AXDND1: variants seen among roughly 807,000 people sequenced by gnomAD.
AXDND1 encodes axonemal dynein light chain domain-containing protein 1.
AXDND1 carries 110 observed loss-of-function variants against 137.5 expected under a neutral mutation model. That is an observed-to-expected ratio of 0.80 (90% CI 0.69 to 0.94). The LOEUF is 0.94. AXDND1 is among the 40% of genes least tolerant of loss of function. The probability of loss-of-function intolerance (pLI) is 0.00; values close to 1 mark genes in which losing one functional copy is unlikely to be tolerated. For missense variants in AXDND1, 1,191 were observed against 1,169.8 expected (o/e 1.02, Z -0.26); for synonymous variants, 414 against 399.7 (o/e 1.04, Z -0.43).
Position 179,525,669 on chromosome 1 carries a change from A to T in AXDND1, c.2610+222A>T, listed in dbSNP as rs540713489. Among the ~76,000 whole-genome samples, 111 of 152,046 alleles carry T rather than the reference A, an allele frequency of 7.3e-4. 1 individual carries two copies. The highest frequency in any genetic ancestry group is 3.4e-3 in the Middle Eastern group (1 of 294). On this transcript the variant is annotated intron_variant, in intron 22 of 25. Transcript: ENST00000367618. ...GCACCACCATGCCTAGCTAATTTTT[A>T]AAATTTTTTTTATAGAGATGGGATC...
Position 179,457,990 on chromosome 1 carries a change from C to CTTTTT in AXDND1, c.1799-10446_1799-10442dup, listed in dbSNP as rs34295838. Among the ~76,000 whole-genome samples the CTTTTT allele has an allele frequency of 1.8e-3, 266 of 145,598 alleles. 3 individuals carry two copies. The highest frequency in any genetic ancestry group is 6.4e-3 in the African/African-American group (251 of 39,254). On this transcript the variant is annotated intron_variant, in intron 16 of 25. Coordinates refer to ENST00000367618, the MANE Select transcript of AXDND1 (RefSeq NM_144696.6). ...TTTTTCTTTTCTTTTCTTTCCTTCT[C>CTTTTT]TTTTTTTTTTTCTTTTTTTGAGACA...
At chr1:179,484,122 G>A (rs1339838509) in intron 18 of AXDND1, among the ~76,000 whole-genome samples, 7 of 152,202 alleles carry the variant, frequency 4.6e-5, no homozygotes, top group Non-Finnish European at 1.0e-4. Context: ...TGGGGAAAAA[G>A]TGAGCTAAGC....
chr1:179,374,432 C>T (rs190631244), intron 4 of AXDND1, among the ~76,000 whole-genome samples: 2 of 152,262 alleles, frequency 1.3e-5, no homozygotes, highest in East Asian at 3.9e-4. Context: ...CCTCAAGGAT[C>T]TAGAACTAGA....
At chr1:179,427,606 T>C (rs1332807677) in intron 12 of AXDND1, among the ~76,000 whole-genome samples, 1 of 152,192 alleles carries the variant, frequency 6.6e-6, no homozygotes, top group Non-Finnish European at 1.5e-5. Context: ...AGATTAATCT[T>C]ACTAATATGA....
chr1:179,517,161 C>T (rs1467232351), intron 21 of AXDND1, among the ~76,000 whole-genome samples: 2 of 152,138 alleles, frequency 1.3e-5, no homozygotes, highest in African/African-American at 2.4e-5. Context: ...TTTCCCAGGT[C>T]AGTGGAGTTA....
chr1:179,410,022 A>G (rs1166697798), intron 11 of AXDND1, among the ~76,000 whole-genome samples: 2 of 152,162 alleles, frequency 1.3e-5, no homozygotes, highest in Non-Finnish European at 2.9e-5. Flanking sequence ...ATTTTTAGGC[A>G]ATAAAGTGCA....
intron 15 of AXDND1, among the ~76,000 whole-genome samples, chr1:179,442,184 G>A (rs558822091): frequency 3.3e-5 from 5 of 152,244 alleles, no homozygotes; most frequent in East Asian, 1.9e-4. Flanking sequence ...GCTACCAAAC[G>A]AGGCCGTACA....
chr1:179,435,514 C>A (rs1272491054), intron 15 of AXDND1, among the ~76,000 whole-genome samples: 3 of 151,994 alleles, frequency 2.0e-5, no homozygotes, highest in Admixed American at 2.0e-4. Flanking sequence ...TGGAATAAAA[C>A]AAACAGAGAC....
chr1:179,393,683 C>T (rs1025264910), intron 9 of AXDND1, among the ~76,000 whole-genome samples: 1 of 151,996 alleles, frequency 6.6e-6, no homozygotes, highest in Admixed American at 6.6e-5. Flanking sequence ...AGAGATCTTT[C>T]GTCTCCTTGG....
At chr1:179,551,739 CAT>C in intron 25 of AXDND1, 1 of 415,698 alleles carries the variant, frequency 2.4e-6, no homozygotes, top group South Asian at 3.0e-5. Flanking sequence ...ATTTTGCCAA[CAT>C]AGAGAAAAGA....
intron 20 of AXDND1, among the ~76,000 whole-genome samples, chr1:179,502,033 T>A (rs1668049561): frequency 6.6e-6 from 1 of 152,182 alleles, no homozygotes; most frequent in South Asian, 2.1e-4. Context: ...AATGGGAGAC[T>A]GTATTTGCAA....
In AXDND1 at chr1:179,393,909, G is replaced by T. The variant is rs760572523; in HGVS notation, c.870G>T (p.Arg290Ser). The T allele has an allele frequency of 5.0e-6, 8 of 1,599,472 alleles. No individual in the cohort carries two copies. Among genetic ancestry groups the T allele is most frequent in the Non-Finnish European group, 6.0e-6 (7 of 1,175,196 alleles). ...TTGGTTGTTTGTCATGCAGAGAGAG[G>T]TATGTGCAAATGCTTGACCAGATTG... is the stretch of plus-strand genomic sequence containing the variant. Reference protein sequence around the residue: ...RGELLSKVRERYVQMLDQIAR... With the variant: ...RGELLSKVRESYVQMLDQIAR... The change falls in exon 10 of 26, where the codon AGG (arginine) becomes AGT (serine). Residue 290 changes from arginine to serine, a missense_variant. Coordinates refer to ENST00000367618, the MANE Select transcript of AXDND1 (RefSeq NM_144696.6).
At chr1:179,439,465 G>GCTAT (rs1658670815) in intron 15 of AXDND1, among the ~76,000 whole-genome samples, 1 of 152,106 alleles carries the variant, frequency 6.6e-6, no homozygotes, top group Non-Finnish European at 1.5e-5. Context: ...GGGAGTTAGG[G>GCTAT]GTCCTGGAGC....
intron 9 of AXDND1, among the ~76,000 whole-genome samples, chr1:179,390,106 C>T (rs4233177): frequency 0.29 from 43,532 of 151,538 alleles, 6,443 homozygotes; most frequent in Non-Finnish European, 0.31. Flanking sequence ...CTCTGCCTCC[C>T]AGGCTCAAGT....
intron 11 of AXDND1, among the ~76,000 whole-genome samples, chr1:179,410,213 T>C (rs1171453124): frequency 6.6e-6 from 1 of 152,200 alleles, no homozygotes; most frequent in African/African-American, 2.4e-5. Flanking sequence ...ATGCTACTTG[T>C]TACGTTATAA....
intron 25 of AXDND1, chr1:179,545,430 T>C (rs1183382554): frequency 1.3e-5 from 2 of 152,186 alleles, no homozygotes; most frequent in East Asian, 3.8e-4. Flanking sequence ...CTAAGACTAC[T>C]AGATGGAGTC....
intron 25 of AXDND1, among the ~76,000 whole-genome samples, chr1:179,550,228 T>C (rs1218157411): frequency 1.3e-5 from 2 of 152,220 alleles, no homozygotes; most frequent in East Asian, 1.9e-4. Flanking sequence ...TGCTTTCTTA[T>C]TGGCTTATTT....
At chr1:179,544,700 A>C (rs1165070040) in intron 25 of AXDND1, 1 of 151,938 alleles carries the variant, frequency 6.6e-6, no homozygotes, top group Non-Finnish European at 1.5e-5. Context: ...GAAAAAGAAA[A>C]AAAGAGAGAA....
intron 21 of AXDND1, among the ~76,000 whole-genome samples, chr1:179,509,817 A>G (rs1354669123): frequency 7.2e-6 from 1 of 139,336 alleles, no homozygotes; most frequent in Non-Finnish European, 1.6e-5. Flanking sequence ...TATCTTCTCT[A>G]ATTGTTCCAT....
Sources: allele counts gnomAD v4.1 joint callset (sites outside exome capture counted in the v4.1 genomes callset), GRCh38; gene constraint gnomAD v4.1.1; transcripts MANE v1.5; gene names NCBI Gene and HGNC (gene_info 2026-07-23, HGNC 2026-07-21).